Variants in PDCD10 observed in about 807,000 individuals in gnomAD.
The protein encoded by PDCD10 is programmed cell death 10, also known as programmed cell death protein 10.
PDCD10 carries 4 observed loss-of-function variants against 29.2 expected under a neutral mutation model. The ratio of observed to expected loss-of-function variants is 0.14; its 90% confidence interval spans 0.07 to 0.31. The LOEUF (loss-of-function observed/expected upper bound fraction) is 0.31. Ranked by LOEUF, PDCD10 falls within the 10% of genes least tolerant of loss-of-function variation. The probability of loss-of-function intolerance (pLI) is 1.00; values close to 1 mark genes in which losing one functional copy is unlikely to be tolerated. For synonymous variants in PDCD10, 70 were observed against 82.2 expected (o/e 0.85, Z 0.80); for missense variants, 183 against 257.9 (o/e 0.71, Z 1.99).
At chr3:167,698,143 C>A (rs1042419600) in intron 4 of PDCD10, among the ~76,000 whole-genome samples, 1 of 152,166 alleles carries the variant, frequency 6.6e-6, no homozygotes, top group South Asian at 2.1e-4. Flanking sequence ...TCCATTATAA[C>A]ATCTTGTTTC....
In PDCD10 at chr3:167,684,197, T is replaced by G; in HGVS notation, c.*111A>C. ...CAATAATCCCATTCAACATCCTGGATTAGATCCCTTCAGGAGGGACTGATA... is the reference window on the plus strand; with the variant it reads ...CAATAATCCCATTCAACATCCTGGAGTAGATCCCTTCAGGAGGGACTGATA... On this transcript the variant is annotated 3_prime_UTR_variant, in exon 9 of 9. Coordinates refer to ENST00000392750, the MANE Select transcript of PDCD10 (RefSeq NM_007217.4). 1 of 706,662 alleles carries G rather than the reference T, an allele frequency of 1.4e-6. No individual in the cohort carries two copies. Among genetic ancestry groups the G allele is most frequent in the Non-Finnish European group, 2.6e-6 (1 of 381,998 alleles). The allele number at this position is 706,662 out of a possible 1,614,324, so 43.8% of individuals were successfully genotyped here.
chr3:167,689,567 A>C (rs1306071190), intron 6 of PDCD10, among the ~76,000 whole-genome samples: 1 of 145,024 alleles, frequency 6.9e-6, no homozygotes, highest in Non-Finnish European at 1.5e-5. Context: ...ATGTTGCCTC[A>C]TGCACCTAGG....
intron 2 of PDCD10, among the ~76,000 whole-genome samples, chr3:167,721,461 C>G (rs964251270): frequency 6.6e-6 from 1 of 152,154 alleles, no homozygotes; most frequent in African/African-American, 2.4e-5. Flanking sequence ...TCAACATGTT[C>G]AGAGTATGTT....
At chr3:167,714,074 A>G (rs1041122240) in intron 3 of PDCD10, among the ~76,000 whole-genome samples, 1 of 152,100 alleles carries the variant, frequency 6.6e-6, no homozygotes, top group African/African-American at 2.4e-5. Context: ...CCCTGATACC[A>G]AATCTGGGCA....
intron 3 of PDCD10, among the ~76,000 whole-genome samples, chr3:167,710,094 T>C (rs1722381070): frequency 6.6e-6 from 1 of 152,152 alleles, no homozygotes; most frequent in African/African-American, 2.4e-5. Context: ...ACCCAGGTAG[T>C]ACACTGTAGG....
chr3:167,702,107 T>C (rs1239251734), intron 4 of PDCD10, among the ~76,000 whole-genome samples: 2 of 152,172 alleles, frequency 1.3e-5, no homozygotes, highest in East Asian at 1.9e-4. Context: ...TGTTGGAAGA[T>C]TGGTACTGTA....
chr3:167,728,382 T>C (rs1724439931), intron 2 of PDCD10, among the ~76,000 whole-genome samples: 1 of 152,100 alleles, frequency 6.6e-6, no homozygotes, highest in South Asian at 2.1e-4. Context: ...GTAGTAACCT[T>C]ATATAAGTCT....
chr3:167,705,351 T>C (rs1373383164), intron 3 of PDCD10, among the ~76,000 whole-genome samples: 1 of 152,172 alleles, frequency 6.6e-6, no homozygotes, highest in Non-Finnish European at 1.5e-5. Flanking sequence ...AACTCAATTG[T>C]ATATATTTTT....
intron 6 of PDCD10, 103 bp from the exon 7 acceptor site, chr3:167,687,796 A>C (rs1719776899): frequency 1.4e-6 from 1 of 707,634 alleles, no homozygotes; most frequent in African/African-American, 1.8e-5. Flanking sequence ...CTCTTAATCT[A>C]ATCACAGTAC....
chr3:167,724,951 A>G (rs923309369), intron 2 of PDCD10, among the ~76,000 whole-genome samples: 3 of 152,134 alleles, frequency 2.0e-5, no homozygotes, highest in Non-Finnish European at 2.9e-5. Context: ...TCTCAATAAT[A>G]TAACACAGAG....
chr3:167,726,513 T>G (rs1419646312), intron 2 of PDCD10, among the ~76,000 whole-genome samples: 3 of 152,170 alleles, frequency 2.0e-5, no homozygotes, highest in Non-Finnish European at 1.5e-5. Context: ...GAAAAAAACC[T>G]CAGTTTGAAT....
intron 8 of PDCD10, 136 bp from the exon 9 acceptor site, chr3:167,684,525 T>C: frequency 1.6e-6 from 1 of 624,648 alleles, no homozygotes; most frequent in South Asian, 1.7e-5. Flanking sequence ...AAACTTTTAT[T>C]CCAATTTAGG....
intron 6 of PDCD10, among the ~76,000 whole-genome samples, chr3:167,693,742 A>G (rs913152544): frequency 6.6e-6 from 1 of 152,050 alleles, no homozygotes; most frequent in Non-Finnish European, 1.5e-5. Flanking sequence ...CAGAGGTTAG[A>G]GACCAGCTTG....
intron 2 of PDCD10, chr3:167,730,672 T>C (rs1341266383): frequency 6.6e-6 from 1 of 152,144 alleles, no homozygotes; most frequent in African/African-American, 2.4e-5. Flanking sequence ...CTACAGAAAC[T>C]CAGGGCTGTT....
chr3:167,719,777 C>T (rs1269975247), intron 3 of PDCD10, among the ~76,000 whole-genome samples: 2 of 152,098 alleles, frequency 1.3e-5, no homozygotes, highest in Non-Finnish European at 2.9e-5. Context: ...TCTTAACATA[C>T]TCTGCTTTTA....
intron 3 of PDCD10, among the ~76,000 whole-genome samples, chr3:167,707,889 G>C (rs898451173): frequency 1.3e-5 from 2 of 152,066 alleles, no homozygotes; most frequent in African/African-American, 2.4e-5. Context: ...AAGAGTAAGA[G>C]AAAATAAGAG....
intron 3 of PDCD10, among the ~76,000 whole-genome samples, chr3:167,710,191 C>A (rs1321893492): frequency 6.6e-6 from 1 of 152,122 alleles, no homozygotes; most frequent in East Asian, 1.9e-4. Context: ...GAGACTCCTG[C>A]TTGAAAAAAG....
At chr3:167,714,114 C>A (rs765381515) in intron 3 of PDCD10, among the ~76,000 whole-genome samples, 3 of 151,722 alleles carry the variant, frequency 2.0e-5, no homozygotes, top group Admixed American at 1.3e-4. Context: ...AAACTACAGG[C>A]CAATCTCTGA....
Position 167,688,236 on chromosome 3 carries a change from C to T in PDCD10, c.396-543G>A, listed in dbSNP as rs571395711. 3.9e-5 allele frequency among the ~76,000 whole-genome samples: 6 copies of T among 152,208 alleles called. No individual in the cohort carries two copies. In the East Asian group the frequency reaches 1.2e-3, roughly 29 times the overall value. On this transcript the variant is annotated intron_variant, in intron 6 of 8. Coordinates refer to ENST00000392750, the MANE Select transcript of PDCD10 (RefSeq NM_007217.4). The stretch of plus-strand genomic sequence containing the variant: ...TTCCTCCTCAGAAAATATTCCTCTC[C>T]CCTGAGGAAATATTCTTCCTCCCTT...
Sources: allele counts gnomAD v4.1 joint callset (sites outside exome capture counted in the v4.1 genomes callset), GRCh38; gene constraint gnomAD v4.1.1; transcripts MANE v1.5; gene names NCBI Gene and HGNC (gene_info 2026-07-23, HGNC 2026-07-21).